The following ZC3H12B variants were observed in gnomAD, a reference collection of about 807,000 sequenced individuals.
ZC3H12B encodes zinc finger CCCH-type containing 12B, also known as probable ribonuclease ZC3H12B.
ZC3H12B carries 7 observed loss-of-function variants against 43.9 expected under a neutral mutation model. That is an observed-to-expected ratio of 0.16 (90% CI 0.09 to 0.30). ZC3H12B has a LOEUF of 0.30. Ranked by LOEUF, ZC3H12B falls within the 10% of genes least tolerant of loss-of-function variation. ZC3H12B has a pLI of 1.00. For synonymous variants in ZC3H12B, 222 were observed against 241.7 expected (o/e 0.92, Z 0.76); for missense variants, 475 against 670.2 (o/e 0.71, Z 3.22).
chrX:65,304,700 A>T, the ZC3H12B span, among the ~76,000 whole-genome samples: 1 of 111,643 alleles, frequency 9.0e-6, no homozygotes, highest in Admixed American at 9.5e-5. Flanking sequence ...ATTAACCTAA[A>T]TGTAAAACCA....
chrX:65,039,952 C>T, the ZC3H12B span, among the ~76,000 whole-genome samples: 20 of 111,549 alleles, frequency 1.8e-4, no homozygotes, highest in East Asian at 2.2e-3. Flanking sequence ...ACCATCTAAA[C>T]TTTATGTAGT....
chrX:65,381,014 AACACCCC>A (rs1277166173), intron 2 of ZC3H12B, among the ~76,000 whole-genome samples: 1 of 111,395 alleles, frequency 9.0e-6, no homozygotes, highest in African/African-American at 3.3e-5. Flanking sequence ...GGGAGACTTT[AACACCCC>A]ACTGTCAACA....
Position 65,382,600 on chromosome X carries a change from T to C in ZC3H12B, n.295+13602T>C, listed in dbSNP as rs777965467. On this transcript the variant is annotated intron_variant and non_coding_transcript_variant, in intron 2 of 5. Transcript: ENST00000617377. ...TCAGCATAGTATTGGAAGTTCTGGC[T>C]AGGGCAATCAGGCAGGAGAAGGAAA... Among the ~76,000 whole-genome samples the C allele has an allele frequency of 5.8e-3, 649 of 111,222 alleles. 6 individuals are homozygous for C. The highest frequency in any genetic ancestry group is 0.02 in the African/African-American group (604 of 30,549).
chrX:65,378,363 G>A (rs774618714), intron 2 of ZC3H12B, among the ~76,000 whole-genome samples: 79 of 111,299 alleles, frequency 7.1e-4, no homozygotes, highest in Non-Finnish European at 1.3e-3. Flanking sequence ...ATTCTTGTTT[G>A]TTTAGATAAA....
At chrX:65,190,806 A>T in the ZC3H12B span, among the ~76,000 whole-genome samples, 1 of 104,602 alleles carries the variant, frequency 9.6e-6, no homozygotes, top group African/African-American at 3.6e-5. Context: ...CTCCTGCCTA[A>T]TTGCCCTGGC....
the ZC3H12B span, among the ~76,000 whole-genome samples, chrX:65,327,237 A>G: frequency 9.0e-6 from 1 of 111,450 alleles, no homozygotes; most frequent in East Asian, 2.8e-4. Context: ...GGATGAAGAA[A>G]ATGTGATATA....
chrX:65,383,376 G>A lies in ZC3H12B; in HGVS notation n.295+14378G>A, dbSNP rs751944092. 1.5e-4 allele frequency among the ~76,000 whole-genome samples: 17 copies of A among 111,893 alleles called. No individual in the cohort carries two copies. The South Asian group carries it at 6.0e-3, about 40-fold the overall frequency. ...GAAAGGATTCCCTATTTAATAAATG[G>A]TGCTGGGAAAACTGGCTAGCCATAT... On this transcript the variant is annotated intron_variant and non_coding_transcript_variant, in intron 2 of 5. Transcript: ENST00000617377.
intron 3 of ZC3H12B, among the ~76,000 whole-genome samples, chrX:65,463,712 G>T (rs955223158): frequency 9.1e-6 from 1 of 110,364 alleles, no homozygotes; most frequent in South Asian, 4.0e-4. Context: ...CTCCCACTGC[G>T]CATTCTTTTG....
chrX:65,353,103 C>T, the ZC3H12B span, among the ~76,000 whole-genome samples: 1 of 111,036 alleles, frequency 9.0e-6, no homozygotes, highest in Non-Finnish European at 1.9e-5. Context: ...GCTATCTGCC[C>T]CCCCGGCCTC....
intron 3 of ZC3H12B, among the ~76,000 whole-genome samples, chrX:65,429,001 T>C (rs193277967): frequency 8.9e-6 from 1 of 112,379 alleles, no homozygotes; most frequent in East Asian, 2.8e-4. Context: ...CAGGCCACTC[T>C]TCCGTAGTGC....
At chrX:65,327,350 A>G in the ZC3H12B span, among the ~76,000 whole-genome samples, 1 of 111,550 alleles carries the variant, frequency 9.0e-6, no homozygotes, top group African/African-American at 3.2e-5. Flanking sequence ...GAATTTTTTA[A>G]AAATTTTATC....
At chrX:65,056,619 A>T in the ZC3H12B span, among the ~76,000 whole-genome samples, 2 of 111,272 alleles carry the variant, frequency 1.8e-5, no homozygotes, top group Non-Finnish European at 3.8e-5. Flanking sequence ...CTTGGTGCAG[A>T]GCTGAGTTCA....
the ZC3H12B span, among the ~76,000 whole-genome samples, chrX:65,154,422 T>C: frequency 5.4e-5 from 6 of 111,579 alleles, no homozygotes; most frequent in African/African-American, 1.3e-4. Context: ...GCATTAATTT[T>C]CCCCCCTTCC....
At chrX:65,344,795 C>T in the ZC3H12B span, among the ~76,000 whole-genome samples, 7 of 112,139 alleles carry the variant, frequency 6.2e-5, no homozygotes, top group Admixed American at 9.4e-5. Flanking sequence ...AATGGGAGAA[C>T]ATTTTTGCAA....
exon 5 of ZC3H12B, chrX:65,502,050 T>C (rs1453050509): frequency 8.3e-7 from 1 of 1,211,409 alleles, no homozygotes; most frequent in Non-Finnish European, 1.1e-6. Flanking sequence ...GAGGAATGGC[T>C]GTCCATTGCC....
chrX:65,245,686 A>G, the ZC3H12B span, among the ~76,000 whole-genome samples: 1 of 111,767 alleles, frequency 8.9e-6, no homozygotes, highest in African/African-American at 3.2e-5. Context: ...GCATCAAAGG[A>G]CCATACCTCA....
At chrX:65,366,674 G>A (rs1013121888) in exon 1 of ZC3H12B, 1 of 111,834 alleles carries the variant, frequency 8.9e-6, no homozygotes, top group African/African-American at 3.2e-5. Flanking sequence ...AGATACCACT[G>A]CTTCTTTTAA....
chrX:65,432,509 G>T lies in ZC3H12B; in HGVS notation n.407+33805G>T, dbSNP rs1243680200. On this transcript the variant is annotated intron_variant and non_coding_transcript_variant, in intron 3 of 5. Coordinates refer to the ZC3H12B transcript ENST00000617377. Reference sequence around the variant, plus strand: ...TCTGCCATATATTATGGCTCATGTGGAAGAGAAACTTGGAGGGCAACCTGA... The same window carrying T: ...TCTGCCATATATTATGGCTCATGTGTAAGAGAAACTTGGAGGGCAACCTGA... Among the ~76,000 whole-genome samples, 7 of 111,864 alleles carry T rather than the reference G, an allele frequency of 6.3e-5. No individual in the cohort carries two copies. The East Asian group carries it at 2.0e-3, about 31-fold the overall frequency.
intron 2 of ZC3H12B, among the ~76,000 whole-genome samples, chrX:65,377,667 T>A (rs1052123143): frequency 1.1e-4 from 12 of 111,269 alleles, no homozygotes; most frequent in African/African-American, 3.9e-4. Context: ...CAAAAAAAAA[T>A]TCTTCAAACA....
Sources: gnomAD v4.1 joint callset for allele counts (sites outside exome capture counted in the v4.1 genomes callset) on GRCh38, gnomAD v4.1.1 for gene constraint, MANE v1.5 for transcripts, NCBI Gene and HGNC (gene_info 2026-07-23, HGNC 2026-07-21) for gene names.